SNTG1: variants seen among roughly 807,000 people sequenced by gnomAD.
The protein encoded by SNTG1 is syntrophin gamma 1.
SNTG1 carries 39 observed loss-of-function variants against 74.7 expected under a neutral mutation model. The ratio of observed to expected loss-of-function variants is 0.52; its 90% CI spans 0.40 to 0.68. The LOEUF is 0.68. Ranked by LOEUF, SNTG1 falls within the 30% of genes least tolerant of loss-of-function variation. The pLI, the probability that SNTG1 is intolerant of heterozygous loss-of-function variation, is 0.00. For missense variants in SNTG1, 685 were observed against 609.5 expected (o/e 1.12, Z -1.30); for synonymous variants, 254 against 217.1 (o/e 1.17, Z -1.49).
intron 2 of SNTG1, among the ~76,000 whole-genome samples, chr8:50,229,296 A>G (rs1231950021): frequency 6.6e-6 from 1 of 151,644 alleles, no homozygotes; most frequent in African/African-American, 2.4e-5. Context: ...AAACATACCA[A>G]TTAAAAGACA....
chr8:50,517,269 C>A (rs1041756996), intron 9 of SNTG1, among the ~76,000 whole-genome samples: 2 of 152,110 alleles, frequency 1.3e-5, no homozygotes, highest in African/African-American at 4.8e-5. Flanking sequence ...ATCACTAAAT[C>A]TGCCTTACAA....
chr8:50,668,560 T>G (rs1268673137), intron 15 of SNTG1, among the ~76,000 whole-genome samples: 1 of 151,316 alleles, frequency 6.6e-6, no homozygotes, highest in East Asian at 2.0e-4. Context: ...CTGGGATACA[T>G]GTGCAAAATG....
chr8:50,435,951 G>A (rs1414375572), intron 4 of SNTG1, among the ~76,000 whole-genome samples: 1 of 152,116 alleles, frequency 6.6e-6, no homozygotes, highest in East Asian at 1.9e-4. Flanking sequence ...TCAAAGAAAC[G>A]GTTTTTGAGG....
chr8:50,386,267 C>A (rs1019540404), intron 2 of SNTG1, among the ~76,000 whole-genome samples: 3 of 152,066 alleles, frequency 2.0e-5, no homozygotes, highest in Admixed American at 6.6e-5. Context: ...ACTTCCACAG[C>A]CCCTCTTCTG....
intron 8 of SNTG1, among the ~76,000 whole-genome samples, chr8:50,458,915 T>C (rs2131669445): frequency 1.3e-5 from 2 of 152,338 alleles, no homozygotes; most frequent in South Asian, 4.1e-4. Context: ...AGGTTTTGAC[T>C]GTTAATAAGT....
At chr8:50,382,612 TATC>T (rs1431625391) in intron 2 of SNTG1, among the ~76,000 whole-genome samples, 1 of 152,142 alleles carries the variant, frequency 6.6e-6, no homozygotes, top group African/African-American at 2.4e-5. Flanking sequence ...TTCTAGATAA[TATC>T]ATCAAAATAA....
At chr8:50,010,620 C>A (rs1815687417) in intron 1 of SNTG1, among the ~76,000 whole-genome samples, 2 of 151,828 alleles carry the variant, frequency 1.3e-5, no homozygotes, top group Non-Finnish European at 1.5e-5. Flanking sequence ...CTGACAAATA[C>A]CAATGCAGTT....
intron 1 of SNTG1, among the ~76,000 whole-genome samples, chr8:49,975,361 G>C (rs183672434): frequency 4.8e-4 from 73 of 152,108 alleles, no homozygotes; most frequent in African/African-American, 1.6e-3. Flanking sequence ...GATTATCTTT[G>C]CCTTAGTATG....
intron 1 of SNTG1, among the ~76,000 whole-genome samples, chr8:49,980,446 C>T (rs543999261): frequency 1.7e-4 from 25 of 146,622 alleles, no homozygotes; most frequent in Non-Finnish European, 3.6e-4. Flanking sequence ...TCTGCCTGCA[C>T]GAGTTCCTCC....
At chr8:50,545,027 A>AT (rs1432884528) in intron 11 of SNTG1, among the ~76,000 whole-genome samples, 1 of 152,006 alleles carries the variant, frequency 6.6e-6, no homozygotes, top group Non-Finnish European at 1.5e-5. Context: ...AGTTAGGTTG[A>AT]TTTCATATTT....
intron 1 of SNTG1, among the ~76,000 whole-genome samples, chr8:50,016,939 A>G (rs1295870036): frequency 2.0e-5 from 3 of 152,158 alleles, no homozygotes; most frequent in Middle Eastern, 3.4e-3. Context: ...AAGCAGTGAG[A>G]TGACATAGTT....
intron 4 of SNTG1, among the ~76,000 whole-genome samples, chr8:50,405,055 G>T (rs2092854133): frequency 6.6e-6 from 1 of 151,956 alleles, no homozygotes; most frequent in Non-Finnish European, 1.5e-5. Flanking sequence ...TTCTCACTCG[G>T]TAGTAAACAT....
chr8:50,374,919 G>C (rs1179684520), intron 2 of SNTG1, among the ~76,000 whole-genome samples: 1 of 152,086 alleles, frequency 6.6e-6, no homozygotes, highest in Non-Finnish European at 1.5e-5. Context: ...CGTGAAGAAA[G>C]AAAGTCACAA....
At chr8:50,482,040 G>A (rs79257548) in intron 8 of SNTG1, among the ~76,000 whole-genome samples, 8,195 of 152,226 alleles carry the variant, frequency 0.054, 334 homozygotes, top group South Asian at 0.18. Context: ...AGAATCAGCA[G>A]AGCTGTAGCC....
At chr8:50,074,968 C>T (rs967421041) in intron 1 of SNTG1, among the ~76,000 whole-genome samples, 10 of 152,190 alleles carry the variant, frequency 6.6e-5, no homozygotes, top group African/African-American at 1.7e-4. Flanking sequence ...GGCCTGCCGG[C>T]GCCACTGGCC....
At chr8:50,507,137 T>C (rs555440735) in intron 9 of SNTG1, among the ~76,000 whole-genome samples, 27 of 151,998 alleles carry the variant, frequency 1.8e-4, no homozygotes, top group Non-Finnish European at 3.4e-4. Context: ...CATAGATAGA[T>C]TTTTTTTCAT....
chr8:50,076,167 CA>C (rs112703652), intron 1 of SNTG1, among the ~76,000 whole-genome samples: 2 of 152,182 alleles, frequency 1.3e-5, no homozygotes, highest in African/African-American at 4.8e-5. Context: ...TCCATTAAGC[CA>C]AAAGGTTGGC....
At position 50,054,221 on chromosome 8, in the gene SNTG1, T is replaced by A. The variant is rs146251344; in HGVS notation, c.-102-118340T>A. Reference sequence around the variant, plus strand: ...CACGACTCATCTTTCCCAAATGGGCTCCCTTCTGGGCAGCTCCCTTCTCAG... The same window carrying A: ...CACGACTCATCTTTCCCAAATGGGCACCCTTCTGGGCAGCTCCCTTCTCAG... On this transcript the variant is annotated intron_variant, in intron 1 of 18. Coordinates refer to ENST00000642720, the MANE Select transcript of SNTG1 (RefSeq NM_018967.5). Among the ~76,000 whole-genome samples the A allele has an allele frequency of 5.9e-5, 9 of 152,220 alleles. No individual in the cohort carries two copies. The East Asian group carries it at 1.7e-3, about 30-fold the overall frequency.
chr8:50,058,974 T>C (rs1820253379), intron 1 of SNTG1, among the ~76,000 whole-genome samples: 1 of 152,084 alleles, frequency 6.6e-6, no homozygotes, highest in Non-Finnish European at 1.5e-5. Context: ...ATTTCAAGAA[T>C]GTTGTATAAA....
Sources: gnomAD v4.1 joint callset for allele counts (sites outside exome capture counted in the v4.1 genomes callset) on GRCh38, gnomAD v4.1.1 for gene constraint, MANE v1.5 for transcripts, NCBI Gene and HGNC (gene_info 2026-07-23, HGNC 2026-07-21) for gene names.